Variants in PRICKLE2 observed in about 807,000 individuals in gnomAD.
PRICKLE2 encodes the protein prickle planar cell polarity protein 2.
PRICKLE2 carries 21 observed loss-of-function variants against 81.4 expected under a neutral mutation model. That is an observed-to-expected ratio of 0.26 (90% CI 0.18 to 0.37). The LOEUF is 0.37. PRICKLE2 is among the 10% of genes least tolerant of loss of function. The probability of loss-of-function intolerance (pLI) is 1.00; values close to 1 mark genes in which losing one functional copy is unlikely to be tolerated. For missense variants in PRICKLE2, 940 were observed against 1,109.0 expected (o/e 0.85, Z 2.16); for synonymous variants, 456 against 421.5 (o/e 1.08, Z -1.00).
intron 7 of PRICKLE2, among the ~76,000 whole-genome samples, chr3:64,111,719 T>C (rs562673766): frequency 5.9e-5 from 9 of 152,258 alleles, no homozygotes; most frequent in African/African-American, 2.2e-4. Flanking sequence ...CCCCAAATCA[T>C]CTATGCTGTT....
At chr3:64,119,220 G>A (rs1357731428) in intron 7 of PRICKLE2, among the ~76,000 whole-genome samples, 1 of 152,148 alleles carries the variant, frequency 6.6e-6, no homozygotes, top group Non-Finnish European at 1.5e-5. Flanking sequence ...GGATCTATTG[G>A]AGGGTGGAGG....
chr3:64,137,763 C>T (rs1172794610), intron 7 of PRICKLE2, among the ~76,000 whole-genome samples: 3 of 152,172 alleles, frequency 2.0e-5, no homozygotes, highest in African/African-American at 7.2e-5. Context: ...CTGGGACTTT[C>T]ACTCTGCTGG....
Position 64,219,365 on chromosome 3 carries a change from G to A in PRICKLE2, c.-41+5545C>T, listed in dbSNP as rs34283945. On this transcript the variant is annotated intron_variant, in intron 1 of 7. Transcript: ENST00000638394. ...AGAACCTGATGTGCACACAACTGGC[G>A]ATCAAGAGCAACAAGCTTGGCTTCC... is the stretch of plus-strand genomic sequence containing the variant. 8.9e-3 allele frequency among the ~76,000 whole-genome samples: 1,361 copies of A among 152,240 alleles called. 10 individuals are homozygous for A. Among genetic ancestry groups the A allele is most frequent in the Middle Eastern group, 0.051 (15 of 294 alleles).
chr3:64,124,002 C>G (rs775446490), intron 7 of PRICKLE2, among the ~76,000 whole-genome samples: 4 of 152,188 alleles, frequency 2.6e-5, no homozygotes, highest in African/African-American at 9.7e-5. Flanking sequence ...AAAGTCAAGA[C>G]AGGCCAAAAG....
intron 2 of PRICKLE2, among the ~76,000 whole-genome samples, chr3:64,250,448 A>G (rs2079429640): frequency 1.3e-5 from 2 of 152,204 alleles, no homozygotes; most frequent in Admixed American, 1.3e-4. Flanking sequence ...TGCAGAGGCC[A>G]GGTTTACCTA....
At chr3:64,194,238 C>T (rs565954353) in intron 2 of PRICKLE2, 2 of 152,328 alleles carry the variant, frequency 1.3e-5, no homozygotes, top group African/African-American at 2.4e-5. Context: ...AACGTGGGAT[C>T]CCCACTTTTT....
intron 3 of PRICKLE2, among the ~76,000 whole-genome samples, chr3:64,161,305 G>C (rs1179106046): frequency 1.3e-5 from 2 of 152,082 alleles, no homozygotes; most frequent in Non-Finnish European, 2.9e-5. Context: ...TGGGAAACAC[G>C]GTCCTAATCC....
intron 6 of PRICKLE2, among the ~76,000 whole-genome samples, chr3:64,152,337 G>A (rs562301197): frequency 6.6e-6 from 1 of 152,194 alleles, no homozygotes; most frequent in African/African-American, 2.4e-5. Flanking sequence ...TCCCTCCAAG[G>A]TTGGCTCCTT....
chr3:64,213,077 C>CT (rs374873926), intron 1 of PRICKLE2, among the ~76,000 whole-genome samples: 527 of 125,484 alleles, frequency 4.2e-3, no homozygotes, highest in African/African-American at 5.1e-3. Flanking sequence ...GTTTTTTGTT[C>CT]TTTTTTTTTT....
chr3:64,222,738 C>G (rs1260204940), intron 1 of PRICKLE2, among the ~76,000 whole-genome samples: 1 of 152,140 alleles, frequency 6.6e-6, no homozygotes, highest in Non-Finnish European at 1.5e-5. Flanking sequence ...AATGGCCTCC[C>G]TGGATAGAGA....
intron 7 of PRICKLE2, among the ~76,000 whole-genome samples, chr3:64,132,603 A>G (rs1265638523): frequency 1.3e-5 from 2 of 152,252 alleles, no homozygotes; most frequent in African/African-American, 4.8e-5. Flanking sequence ...CTCAATAAAT[A>G]TTTGTTGAAA....
Position 64,125,912 on chromosome 3 carries a change from C to T in PRICKLE2, c.1660+20918G>A, listed in dbSNP as rs192351431. On this transcript the variant is annotated intron_variant, in intron 7 of 7. Coordinates refer to ENST00000638394, the MANE Select transcript of PRICKLE2 (RefSeq NM_198859.4). ...GATAAGGGATGCCTAACCTGTATAA[C>T]GTTAAGTGAAAAAACAAATTACAAA... is the stretch of plus-strand genomic sequence containing the variant. Among the ~76,000 whole-genome samples the T allele has an allele frequency of 2.2e-4, 33 of 151,484 alleles. No homozygotes were observed. In the East Asian group the frequency reaches 4.5e-3, roughly 20 times the overall value.
At chr3:64,185,592 C>T (rs1272657694) in intron 2 of PRICKLE2, among the ~76,000 whole-genome samples, 2 of 151,990 alleles carry the variant, frequency 1.3e-5, no homozygotes, top group East Asian at 1.9e-4. Context: ...GAGTTTCTAC[C>T]CCAAATCTCC....
chr3:64,141,092 A>G (rs2107004374), intron 7 of PRICKLE2, among the ~76,000 whole-genome samples: 1 of 152,334 alleles, frequency 6.6e-6, no homozygotes, highest in East Asian at 1.9e-4. Flanking sequence ...ATCTCACAGC[A>G]TTTAAAGAAG....
At chr3:64,157,433 A>G in intron 4 of PRICKLE2, 68 bp from the exon 5 acceptor site, 1 of 1,492,816 alleles carries the variant, frequency 6.7e-7, no homozygotes, top group Non-Finnish European at 9.2e-7. Context: ...CATAAATGAT[A>G]AAGGACAACC....
chr3:64,250,272 GTGTAC>G (rs140793392), intron 2 of PRICKLE2, among the ~76,000 whole-genome samples: 157 of 152,304 alleles, frequency 1.0e-3, no homozygotes, highest in African/African-American at 3.2e-3. Flanking sequence ...GGGCTGTCTT[GTGTAC>G]TGTAGGATAT....
At chr3:64,243,668 G>T (rs1309767309) in intron 2 of PRICKLE2, among the ~76,000 whole-genome samples, 1 of 152,212 alleles carries the variant, frequency 6.6e-6, no homozygotes, top group African/African-American at 2.4e-5. Context: ...AGATTATGCA[G>T]ATGAAGCCCT....
intron 7 of PRICKLE2, among the ~76,000 whole-genome samples, chr3:64,125,952 C>CT (rs201865721): frequency 8.5e-4 from 127 of 149,080 alleles, no homozygotes; most frequent in South Asian, 1.5e-3. Context: ...TATCATGAGT[C>CT]TTTTTTTTTT....
intron 2 of PRICKLE2, among the ~76,000 whole-genome samples, chr3:64,265,987 C>T (rs1038135990): frequency 1.8e-4 from 27 of 151,870 alleles, no homozygotes; most frequent in Admixed American, 1.2e-3. Context: ...AGTACAACCC[C>T]GAAAATAAAA....
Sources: allele counts gnomAD v4.1 joint callset (sites outside exome capture counted in the v4.1 genomes callset), GRCh38; gene constraint gnomAD v4.1.1; transcripts MANE v1.5; gene names NCBI Gene and HGNC (gene_info 2026-07-23, HGNC 2026-07-21).